Variants in MCTP1 observed in about 807,000 individuals in gnomAD.
MCTP1 encodes the protein multiple C2 and transmembrane domain-containing protein 1.
In MCTP1, 69 loss-of-function variants were observed where a neutral mutation model predicts 120.6. The observed-to-expected ratio is 0.57, with a 90% CI of 0.47 to 0.70. The LOEUF (loss-of-function observed/expected upper bound fraction) is 0.70, where lower values mean the gene tolerates loss of function less well. MCTP1 is among the 30% of genes least tolerant of loss of function. MCTP1 has a pLI of 0.00. For missense variants in MCTP1, 1,203 were observed against 1,248.8 expected (o/e 0.96, Z 0.55); for synonymous variants, 529 against 493.1 (o/e 1.07, Z -0.96).
chr5:94,744,462 A>C (rs1766399255), intron 19 of MCTP1, among the ~76,000 whole-genome samples: 1 of 152,176 alleles, frequency 6.6e-6, no homozygotes, highest in Admixed American at 6.5e-5. Flanking sequence ...GGCGTTATGC[A>C]AACTTGGTCA....
rs116426988 is a variant in MCTP1 at position 94,767,821 on chromosome 5, T to C, written c.2610+11289A>G. Among the ~76,000 whole-genome samples, 438 of 152,272 alleles carry C rather than the reference T, an allele frequency of 2.9e-3. 2 individuals are homozygous for C. Among genetic ancestry groups the C allele is most frequent in the African/African-American group, 0.01 (420 of 41,582 alleles). ...ATTTGAAGAATATTGTTAAAATGAC[T>C]ATACTACACAAAGCAGTCTACAGAT... is the stretch of plus-strand genomic sequence containing the variant. On this transcript the variant is annotated intron_variant, in intron 19 of 22. Transcript: ENST00000515393.
At chr5:94,973,086 G>C (rs948934666) in intron 2 of MCTP1, among the ~76,000 whole-genome samples, 1 of 152,148 alleles carries the variant, frequency 6.6e-6, no homozygotes, top group Non-Finnish European at 1.5e-5. Flanking sequence ...TCTAATAAAT[G>C]TTTGTCAAGC....
intron 19 of MCTP1, among the ~76,000 whole-genome samples, chr5:94,758,402 CA>C (rs1467475446): frequency 1.3e-5 from 2 of 152,138 alleles, no homozygotes; most frequent in Non-Finnish European, 2.9e-5. Context: ...GCTATGATTA[CA>C]CCACTGCACT....
chr5:95,153,513 G>T (rs1054460643), intron 1 of MCTP1, among the ~76,000 whole-genome samples: 1 of 152,198 alleles, frequency 6.6e-6, no homozygotes, highest in African/African-American at 2.4e-5. Context: ...GCCCAGGACA[G>T]CAGCCTTAAG....
At chr5:94,808,313 A>G (rs1234657598) in intron 17 of MCTP1, among the ~76,000 whole-genome samples, 1 of 152,180 alleles carries the variant, frequency 6.6e-6, no homozygotes, top group Non-Finnish European at 1.5e-5. Flanking sequence ...TCCTAGCATA[A>G]CGATAACCTT....
At chr5:95,190,211 C>T (rs1312332557) in intron 1 of MCTP1, among the ~76,000 whole-genome samples, 1 of 152,082 alleles carries the variant, frequency 6.6e-6, no homozygotes. Flanking sequence ...ACTATTTATG[C>T]CTTGTGGAAC....
intron 17 of MCTP1, among the ~76,000 whole-genome samples, chr5:94,864,104 CA>C (rs1796328706): frequency 1.3e-5 from 2 of 151,884 alleles, no homozygotes; most frequent in South Asian, 4.2e-4. Context: ...GGTTTTGACA[CA>C]AAAGGAACAC....
At chr5:94,802,747 T>C (rs1291357942) in intron 17 of MCTP1, among the ~76,000 whole-genome samples, 1 of 152,004 alleles carries the variant, frequency 6.6e-6, no homozygotes, top group African/African-American at 2.4e-5. Flanking sequence ...GAAAAAGAAA[T>C]CAAGAAACAA....
chr5:94,843,273 G>A (rs1321970250), intron 17 of MCTP1, among the ~76,000 whole-genome samples: 2 of 152,084 alleles, frequency 1.3e-5, no homozygotes, highest in East Asian at 3.9e-4. Flanking sequence ...AAAGAATTAG[G>A]GAATGGCAAA....
At chr5:95,271,475 A>G (rs1335614458) in intron 1 of MCTP1, among the ~76,000 whole-genome samples, 4 of 151,406 alleles carry the variant, frequency 2.6e-5, no homozygotes, top group African/African-American at 9.7e-5. Context: ...GAAAAAAAAA[A>G]TGAACTATAT....
chr5:95,136,018 A>AAACT (rs1759421266), intron 1 of MCTP1, among the ~76,000 whole-genome samples: 1 of 152,234 alleles, frequency 6.6e-6, no homozygotes, highest in Non-Finnish European at 1.5e-5. Flanking sequence ...TAATTGAAGT[A>AAACT]GGTTTTAAAA....
intron 1 of MCTP1, among the ~76,000 whole-genome samples, chr5:95,224,563 A>G (rs543298541): frequency 1.3e-5 from 2 of 148,156 alleles, no homozygotes; most frequent in East Asian, 4.0e-4. Context: ...GCTGGAATGC[A>G]GTGGCATGAT....
chr5:94,804,262 A>G (rs1781805349), intron 17 of MCTP1, among the ~76,000 whole-genome samples: 1 of 152,176 alleles, frequency 6.6e-6, no homozygotes, highest in Non-Finnish European at 1.5e-5. Flanking sequence ...AATTTCTGCT[A>G]TTTGATCATC....
chr5:95,052,216 T>C (rs967064159), intron 1 of MCTP1, among the ~76,000 whole-genome samples: 1 of 152,182 alleles, frequency 6.6e-6, no homozygotes, highest in Admixed American at 6.5e-5. Context: ...AGTCTTAATA[T>C]AGAGTTAGAT....
chr5:94,877,028 G>C (rs1799031663), intron 12 of MCTP1, among the ~76,000 whole-genome samples: 1 of 151,898 alleles, frequency 6.6e-6, no homozygotes, highest in South Asian at 2.1e-4. Context: ...TGTAATAAAG[G>C]TAAGTGAAGG....
chr5:94,860,098 A>G (rs1385939551), intron 17 of MCTP1, among the ~76,000 whole-genome samples: 1 of 151,620 alleles, frequency 6.6e-6, no homozygotes, highest in African/African-American at 2.4e-5. Flanking sequence ...TTTTTGACCT[A>G]TGGTGAACTG....
chr5:94,940,228 C>A, intron 4 of MCTP1, 33 bp from the exon 5 acceptor site: 4 of 1,295,318 alleles, frequency 3.1e-6, no homozygotes, highest in Non-Finnish European at 3.3e-6. Context: ...TTTGAACAGT[C>A]ATTAAATGAA....
intron 1 of MCTP1, among the ~76,000 whole-genome samples, chr5:95,206,495 T>A (rs530879053): frequency 6.6e-6 from 1 of 152,322 alleles, no homozygotes; most frequent in Admixed American, 6.5e-5. Context: ...CTGAGAATCA[T>A]GACATTTTAG....
intron 10 of MCTP1, among the ~76,000 whole-genome samples, chr5:94,902,822 T>C (rs536213496): frequency 6.2e-4 from 94 of 152,178 alleles, no homozygotes; most frequent in Non-Finnish European, 1.2e-3. Context: ...TCTGGGGAGA[T>C]TGATTTACCT....
Sources: allele counts gnomAD v4.1 joint callset (sites outside exome capture counted in the v4.1 genomes callset), GRCh38; gene constraint gnomAD v4.1.1; transcripts MANE v1.5; gene names NCBI Gene and HGNC (gene_info 2026-07-23, HGNC 2026-07-21).